The following RHBDL2 variants were observed in gnomAD, a reference collection of about 807,000 sequenced individuals.
The protein encoded by RHBDL2 is rhomboid-related protein 2.
A neutral mutation model predicts 31.7 loss-of-function variants in RHBDL2; 26 were observed. The ratio of observed to expected loss-of-function variants is 0.82; its 90% CI spans 0.60 to 1.14. The LOEUF (loss-of-function observed/expected upper bound fraction) is 1.14. RHBDL2 is among the 50% of genes most tolerant of loss of function. The pLI, the probability that RHBDL2 is intolerant of heterozygous loss-of-function variation, is 0.00. For synonymous variants in RHBDL2, 123 were observed against 127.2 expected (o/e 0.97, Z 0.22); for missense variants, 336 against 364.4 (o/e 0.92, Z 0.63).
chr1:38,910,026 A>G (rs1367346723), intron 4 of RHBDL2, among the ~76,000 whole-genome samples: 1 of 152,222 alleles, frequency 6.6e-6, no homozygotes, highest in Admixed American at 6.5e-5. Flanking sequence ...AATAAAAAGG[A>G]ATAAACTATT....
At position 38,912,202 on chromosome 1, in the gene RHBDL2, C is replaced by T. The variant is rs761767663; in HGVS notation, c.396-768G>A. On this transcript the variant is annotated intron_variant, in intron 3 of 7. Coordinates refer to ENST00000372990, the MANE Select transcript of RHBDL2 (RefSeq NM_017821.5). ...GTCAGGCTGGCCTCAAACTCCTGAC[C>T]TCAGGTGATCTACCTGCCTCAGCCT... Among the ~76,000 whole-genome samples the T allele has an allele frequency of 1.3e-4, 20 of 151,988 alleles. 1 individual carries two copies. Among genetic ancestry groups the T allele is most frequent in the Non-Finnish European group, 2.1e-4 (14 of 67,916 alleles).
At chr1:38,911,079 C>A (rs940494808) in intron 4 of RHBDL2, among the ~76,000 whole-genome samples, 1 of 151,948 alleles carries the variant, frequency 6.6e-6, no homozygotes, top group African/African-American at 2.4e-5. Context: ...GGCATACTTG[C>A]AATTTCAATT....
At chr1:38,937,315 C>G (rs1557625804) in intron 1 of RHBDL2, among the ~76,000 whole-genome samples, 1 of 152,192 alleles carries the variant, frequency 6.6e-6, no homozygotes, top group Non-Finnish European at 1.5e-5. Flanking sequence ...CCTTTAGTTT[C>G]TCCTGCCTAA....
chr1:38,919,821 G>C (rs540286845), intron 1 of RHBDL2, among the ~76,000 whole-genome samples: 3 of 151,964 alleles, frequency 2.0e-5, no homozygotes, highest in Admixed American at 1.3e-4. Context: ...TGATTCACCC[G>C]CCTAGGCCTC....
At chr1:38,919,590 A>G (rs1643284147) in intron 1 of RHBDL2, among the ~76,000 whole-genome samples, 1 of 151,482 alleles carries the variant, frequency 6.6e-6, no homozygotes, top group Non-Finnish European at 1.5e-5. Flanking sequence ...TCGCCATTTA[A>G]TATATAATAT....
chr1:38,937,551 C>T (rs1643524035), intron 1 of RHBDL2, among the ~76,000 whole-genome samples: 2 of 152,218 alleles, frequency 1.3e-5, no homozygotes, highest in East Asian at 1.9e-4. Context: ...TGGAAATGGA[C>T]TCTTTTAATG....
At chr1:38,922,865 G>A (rs1643331901) in intron 1 of RHBDL2, among the ~76,000 whole-genome samples, 2 of 152,318 alleles carry the variant, frequency 1.3e-5, no homozygotes, top group Admixed American at 1.3e-4. Context: ...GCCGAGGTCG[G>A]TGGATCACCT....
At chr1:38,905,589 G>GAAA (rs55769320) in intron 4 of RHBDL2, among the ~76,000 whole-genome samples, 4 of 141,436 alleles carry the variant, frequency 2.8e-5, no homozygotes, top group Non-Finnish European at 4.6e-5. Flanking sequence ...GTCTCTACAG[G>GAAA]AAAAAAAAAA....
At chr1:38,939,457 T>C (rs1346035812) in intron 1 of RHBDL2, among the ~76,000 whole-genome samples, 1 of 151,446 alleles carries the variant, frequency 6.6e-6, no homozygotes, top group African/African-American at 2.4e-5. Context: ...AGTCCAGGAG[T>C]TCAAGACCAT....
intron 3 of RHBDL2, among the ~76,000 whole-genome samples, chr1:38,911,658 G>A (rs962095659): frequency 2.0e-5 from 3 of 150,706 alleles, no homozygotes; most frequent in African/African-American, 4.9e-5. Flanking sequence ...GCGCGCGCGC[G>A]CGTGTGTGAC....
chr1:38,886,465 G>T lies in RHBDL2; in HGVS notation c.*39C>A. 1 of 1,390,374 alleles carries T rather than the reference G, an allele frequency of 7.2e-7. No individual in the cohort carries two copies. Among genetic ancestry groups the T allele is most frequent in the East Asian group, 2.4e-5 (1 of 41,032 alleles). The allele number at this position is 1,390,374 out of a possible 1,614,324, so 86.1% of individuals were successfully genotyped here. A position where few individuals can be genotyped will look rare whatever the true frequency, so the allele number is the denominator to read the frequency against. ...CTTCCTTTTTTTTTTATTTCCTCCA[G>T]ATGGCTCTTTTTATTAATTGACTTA... On this transcript the variant is annotated 3_prime_UTR_variant, in exon 8 of 8. Coordinates refer to ENST00000372990, the MANE Select transcript of RHBDL2 (RefSeq NM_017821.5).
At chr1:38,940,994 T>C (rs1468773239) in intron 1 of RHBDL2, among the ~76,000 whole-genome samples, 1 of 152,238 alleles carries the variant, frequency 6.6e-6, no homozygotes, top group African/African-American at 2.4e-5. Context: ...AATAATTTTC[T>C]GCTCTGCCAT....
chr1:38,931,561 C>T (rs886183505), intron 1 of RHBDL2, among the ~76,000 whole-genome samples: 1 of 151,564 alleles, frequency 6.6e-6, no homozygotes, highest in African/African-American at 2.4e-5. Context: ...AAGAAATCTG[C>T]ATGCCTTTTT....
chr1:38,903,858 G>T (rs562050822), intron 4 of RHBDL2, among the ~76,000 whole-genome samples: 1 of 152,218 alleles, frequency 6.6e-6, no homozygotes, highest in East Asian at 1.9e-4. Flanking sequence ...TTGGTGTAAA[G>T]ATATACAAAT....
chr1:38,910,311 C>T (rs1488822833), intron 4 of RHBDL2, among the ~76,000 whole-genome samples: 1 of 152,122 alleles, frequency 6.6e-6, no homozygotes, highest in East Asian at 1.9e-4. Context: ...TGATACAGTA[C>T]TAATGTTTTG....
chr1:38,888,488 G>T (rs770317719), intron 6 of RHBDL2, among the ~76,000 whole-genome samples: 2 of 152,172 alleles, frequency 1.3e-5, no homozygotes, highest in Non-Finnish European at 2.9e-5. Context: ...TTTCCAATAG[G>T]GGTGTCAAGG....
intron 2 of RHBDL2, among the ~76,000 whole-genome samples, chr1:38,917,132 C>T (rs1323703676): frequency 2.0e-5 from 3 of 150,286 alleles, no homozygotes; most frequent in Non-Finnish European, 4.4e-5. Context: ...ACTCTCCTGC[C>T]TCAGCCTCCC....
chr1:38,932,941 C>G (rs2124354049), intron 1 of RHBDL2, among the ~76,000 whole-genome samples: 1 of 152,258 alleles, frequency 6.6e-6, no homozygotes, highest in East Asian at 1.9e-4. Flanking sequence ...AATTACCCTC[C>G]CAAATTAGTC....
intron 3 of RHBDL2, 116 bp downstream of exon 3, chr1:38,915,446 G>T: frequency 9.9e-7 from 1 of 1,014,568 alleles, no homozygotes. Flanking sequence ...CCTTAGGGTT[G>T]CTGTGAAGAT....
Sources: gnomAD v4.1 joint callset for allele counts (sites outside exome capture counted in the v4.1 genomes callset) on GRCh38, gnomAD v4.1.1 for gene constraint, MANE v1.5 for transcripts, NCBI Gene and HGNC (gene_info 2026-07-23, HGNC 2026-07-21) for gene names.